The following EBF4 variants were observed in gnomAD, a reference collection of about 807,000 sequenced individuals.
EBF4 encodes the protein transcription factor COE4.
Under a neutral mutation model 67.1 loss-of-function variants are expected in EBF4, and 34 were observed. The ratio of observed to expected loss-of-function variants is 0.51; its 90% CI spans 0.39 to 0.67. The LOEUF is 0.67. EBF4 is among the 30% of genes least tolerant of loss of function. The pLI is 0.00. For synonymous variants in EBF4, 387 were observed against 377.7 expected, an observed-to-expected ratio of 1.02 and a Z score of -0.29; for missense variants, 837 against 873.3, an observed-to-expected ratio of 0.96 and a Z score of 0.52.
intron 10 of EBF4, among the ~76,000 whole-genome samples, chr20:2,750,375 C>CGA (rs2146500597): frequency 6.6e-6 from 1 of 152,334 alleles, no homozygotes; most frequent in East Asian, 1.9e-4. Flanking sequence ...CTCTGGGTCT[C>CGA]TTGGTTCCCC....
intron 1 of EBF4, among the ~76,000 whole-genome samples, chr20:2,697,857 G>T (rs2087318713): frequency 6.6e-6 from 1 of 152,242 alleles, no homozygotes; most frequent in Non-Finnish European, 1.5e-5. Context: ...AGTCTGGGGA[G>T]ACCTCTGGAA....
In EBF4 at chr20:2,747,910, C is replaced by T. The variant is rs774865281; in HGVS notation, c.558-639C>T. Among the ~76,000 whole-genome samples, 4 of 151,934 alleles carry T rather than the reference C, an allele frequency of 2.6e-5. 1 individual carries two copies. The highest frequency in any genetic ancestry group is 5.9e-5 in the Non-Finnish European group (4 of 68,000). On this transcript the variant is annotated intron_variant, in intron 6 of 16. Coordinates refer to ENST00000609451, the Ensembl canonical transcript of EBF4. The surrounding 1 kb of genome is among the most constrained non-coding windows in gnomAD (Gnocchi z 4.6). ...ATATGTGGAGTACATGTTGTTTATGCTTGTGTGAAGGTTATACCCCGAGTG... is the reference window on the plus strand; with the variant it reads ...ATATGTGGAGTACATGTTGTTTATGTTTGTGTGAAGGTTATACCCCGAGTG...
intron 6 of EBF4, among the ~76,000 whole-genome samples, chr20:2,716,559 G>A (rs569483374): frequency 1.1e-4 from 16 of 151,586 alleles, no homozygotes; most frequent in Admixed American, 2.6e-4. Context: ...CTTTTTCTCT[G>A]CTGAGGTCAT....
chr20:2,748,100 G>A (rs1224550970), intron 6 of EBF4, among the ~76,000 whole-genome samples: 1 of 152,156 alleles, frequency 6.6e-6, no homozygotes, highest in African/African-American at 2.4e-5. Flanking sequence ...CATATACTGT[G>A]ACGTATACAC....
intron 13 of EBF4, 36 bp from the exon 14 acceptor site, chr20:2,752,321 G>A: frequency 8.3e-7 from 1 of 1,199,394 alleles, no homozygotes; most frequent in African/African-American, 1.6e-5. Flanking sequence ...CTCCCCGGCC[G>A]GCACCGCCCC....
chr20:2,714,333 T>C (rs973516181), intron 6 of EBF4, among the ~76,000 whole-genome samples: 1 of 151,964 alleles, frequency 6.6e-6, no homozygotes, highest in Non-Finnish European at 1.5e-5. Context: ...TCTCTTTCTC[T>C]CTCTCTTTCT....
At chr20:2,706,784 C>G (rs2087465141) in intron 4 of EBF4, among the ~76,000 whole-genome samples, 1 of 152,188 alleles carries the variant, frequency 6.6e-6, no homozygotes, top group Non-Finnish European at 1.5e-5. Flanking sequence ...AGGAGGAAGC[C>G]CTCTGCAGCT....
chr20:2,699,089 G>C (rs1280293985), intron 1 of EBF4, among the ~76,000 whole-genome samples: 2 of 152,198 alleles, frequency 1.3e-5, no homozygotes, highest in East Asian at 3.8e-4. Flanking sequence ...GCAGGGGAGA[G>C]CAGCTGCCGC....
In EBF4 at chr20:2,722,910, A is replaced by G. The variant is rs1270843549; in HGVS notation, c.557+13268A>G. On this transcript the variant is annotated intron_variant, in intron 6 of 16. Transcript: ENST00000609451. ...ATCTCTTGTCACTAATTTCTAACCT[A>G]ATCGTGTGTCTTATTGGATCTACTA... Among the ~76,000 whole-genome samples the G allele has an allele frequency of 2.0e-5, 3 of 152,208 alleles. No individual in the cohort carries two copies. The East Asian group carries it at 5.8e-4, about 29-fold the overall frequency.
At chr20:2,757,185 C>G (rs935541060) in intron 15 of EBF4, among the ~76,000 whole-genome samples, 1 of 152,162 alleles carries the variant, frequency 6.6e-6, no homozygotes, top group African/African-American at 2.4e-5. Flanking sequence ...GCTCCAGGGT[C>G]CCTGTATGAG....
rs1030682750 is a variant in EBF4 at position 2,751,015 on chromosome 20, C to T, written c.1019-685C>T. Among the ~76,000 whole-genome samples, 6 of 151,866 alleles carry T rather than the reference C, an allele frequency of 4.0e-5. No homozygotes were observed. Among genetic ancestry groups the T allele is most frequent in the Non-Finnish European group, 8.8e-5 (6 of 67,982 alleles). ...GCCAGGCTATCTGAAAAGGGCGGTGCGGGGATCAGGAAAAGGGGAAGGAGG... is the reference window on the plus strand; with the variant it reads ...GCCAGGCTATCTGAAAAGGGCGGTGTGGGGATCAGGAAAAGGGGAAGGAGG... On this transcript the variant is annotated intron_variant, in intron 10 of 16. Coordinates refer to ENST00000609451, the Ensembl canonical transcript of EBF4. The surrounding 1 kb of genome is among the most constrained non-coding windows in gnomAD (Gnocchi z 5.2).
At chr20:2,735,672 T>A (rs1339065349) in intron 6 of EBF4, among the ~76,000 whole-genome samples, 2 of 152,194 alleles carry the variant, frequency 1.3e-5, no homozygotes, top group Admixed American at 1.3e-4. Context: ...TCACAGTAAT[T>A]TTTGACTCTT....
rs937647233 is a variant in EBF4 at position 2,737,052 on chromosome 20, A to G, written c.558-11497A>G. Among the ~76,000 whole-genome samples the G allele has an allele frequency of 9.2e-5, 14 of 152,098 alleles. No homozygotes were observed. In the South Asian group the frequency reaches 2.3e-3, roughly 25 times the overall value. On this transcript the variant is annotated intron_variant, in intron 6 of 16. Transcript: ENST00000609451. ...ATCACAAGGTCAGGAGATGGAGACCATCCTGGCTAACACGGTGAAACCCCG... is the reference window on the plus strand; with the variant it reads ...ATCACAAGGTCAGGAGATGGAGACCGTCCTGGCTAACACGGTGAAACCCCG...
chr20:2,750,247 C>T (rs536075415), intron 10 of EBF4, among the ~76,000 whole-genome samples: 1 of 152,308 alleles, frequency 6.6e-6, no homozygotes, highest in African/African-American at 2.4e-5. Context: ...TTCTTACTCC[C>T]TCAGCCATCT....
chr20:2,714,063 G>A (rs1199005898), intron 6 of EBF4, among the ~76,000 whole-genome samples: 1 of 152,228 alleles, frequency 6.6e-6, no homozygotes, highest in Non-Finnish European at 1.5e-5. Context: ...GTGAAGGTAA[G>A]TGATCTTGGG....
At chr20:2,744,740 C>A (rs1003083983) in intron 6 of EBF4, among the ~76,000 whole-genome samples, 3 of 152,048 alleles carry the variant, frequency 2.0e-5, no homozygotes, top group Non-Finnish European at 4.4e-5. Flanking sequence ...GATCCACCCA[C>A]CTCAGCCTCC....
Position 2,755,796 on chromosome 20 carries a change from C to T in EBF4, c.1710C>T (p.Cys570=), listed in dbSNP as rs567214924. The change falls in exon 15 of 17, where the codon TGC becomes TGT. Residue 570 remains cysteine (C), a synonymous_variant. Coordinates refer to ENST00000609451, the Ensembl canonical transcript of EBF4. This position sits in a 1 kb window ranked among gnomAD's most constrained non-coding sequence, Gnocchi z 4.7. ...CCCCAAGCTCCCCACCCCAGGCCTG[C>T]CCCAGAGCCCACGGAGAGGGGCTTC... The T allele has an allele frequency of 3.9e-6, 6 of 1,549,032 alleles. 1 individual carries two copies. The South Asian group carries it at 5.9e-5, about 15-fold the overall frequency.
exon 9 of EBF4, chr20:2,749,698 A>G (rs1487318782): frequency 1.9e-6 from 3 of 1,562,080 alleles, no homozygotes; most frequent in Middle Eastern, 3.3e-4. Context: ...GTCATCGGCG[A>G]CAACTTCTTC....
intron 5 of EBF4, 77 bp downstream of exon 5, chr20:2,708,097 C>T (rs1269196000): frequency 3.5e-6 from 5 of 1,444,440 alleles, no homozygotes; most frequent in South Asian, 2.6e-5. Flanking sequence ...CCTGCCCCCT[C>T]GCCGCCCTTG....
Sources: gnomAD v4.1 joint callset for allele counts (sites outside exome capture counted in the v4.1 genomes callset) on GRCh38, gnomAD v4.1.1 for gene constraint, Gnocchi (gnomAD v3.1) non-coding constraint, MANE v1.5 for transcripts, NCBI Gene and HGNC (gene_info 2026-07-23, HGNC 2026-07-21) for gene names.